Variants in SNTG1 observed in about 807,000 individuals in gnomAD.
SNTG1 encodes gamma-1-syntrophin.
In SNTG1, 39 loss-of-function variants were observed where a neutral mutation model predicts 74.7. That is an observed-to-expected ratio of 0.52 (90% CI 0.40 to 0.68). SNTG1 has a LOEUF of 0.68. Among genes scored for constraint, SNTG1 ranks in the 30% least tolerant of loss-of-function variants. The pLI is 0.00. For synonymous variants in SNTG1, 254 were observed against 217.1 expected (o/e 1.17, Z -1.49); for missense variants, 685 against 609.5 (o/e 1.12, Z -1.30).
chr8:50,507,874 C>A (rs1021498242), intron 9 of SNTG1, among the ~76,000 whole-genome samples: 1 of 151,204 alleles, frequency 6.6e-6, no homozygotes, highest in Non-Finnish European at 1.5e-5. Flanking sequence ...GTGATGTTCC[C>A]CTTCCTGTGT....
intron 12 of SNTG1, among the ~76,000 whole-genome samples, chr8:50,570,085 G>C (rs2094538172): frequency 6.6e-6 from 1 of 151,690 alleles, no homozygotes; most frequent in African/African-American, 2.4e-5. Flanking sequence ...GTACTCACCG[G>C]AACTTAATTT....
At chr8:50,520,442 G>A (rs1209603248) in intron 9 of SNTG1, among the ~76,000 whole-genome samples, 2 of 152,034 alleles carry the variant, frequency 1.3e-5, no homozygotes, top group South Asian at 2.1e-4. Flanking sequence ...TTGACAAAAG[G>A]GCTCAAATTA....
chr8:50,100,768 C>T (rs1372695033), intron 1 of SNTG1, among the ~76,000 whole-genome samples: 1 of 151,888 alleles, frequency 6.6e-6, no homozygotes, highest in Non-Finnish European at 1.5e-5. Flanking sequence ...TACAATAATA[C>T]TTAACATTCC....
chr8:50,433,560 T>G (rs2093267005), intron 4 of SNTG1, among the ~76,000 whole-genome samples: 1 of 151,562 alleles, frequency 6.6e-6, no homozygotes, highest in Non-Finnish European at 1.5e-5. Context: ...CAGAGAAAAC[T>G]TGGTTTCAAT....
chr8:50,185,426 G>T (rs1440186478), intron 2 of SNTG1, among the ~76,000 whole-genome samples: 1 of 152,162 alleles, frequency 6.6e-6, no homozygotes, highest in East Asian at 1.9e-4. Context: ...ACAGCAGTGA[G>T]TGTGATAATG....
chr8:50,641,690 A>T (rs1043659474), intron 13 of SNTG1, among the ~76,000 whole-genome samples: 1 of 152,200 alleles, frequency 6.6e-6, no homozygotes, highest in Admixed American at 6.5e-5. Flanking sequence ...TCAAATAGTC[A>T]ATTATCGGTC....
At chr8:50,418,990 A>T (rs560889332) in intron 4 of SNTG1, among the ~76,000 whole-genome samples, 6 of 152,264 alleles carry the variant, frequency 3.9e-5, no homozygotes, top group African/African-American at 1.2e-4. Flanking sequence ...GGTAAAAATT[A>T]AAAACTATGA....
chr8:50,425,748 C>G (rs901359043), intron 4 of SNTG1, among the ~76,000 whole-genome samples: 3 of 151,918 alleles, frequency 2.0e-5, no homozygotes, highest in African/African-American at 7.3e-5. Flanking sequence ...AAGCATTAAA[C>G]TGAATTATAT....
intron 1 of SNTG1, among the ~76,000 whole-genome samples, chr8:49,938,640 T>TTTCTTTCTTTCTTTCTTTCTTTCC (rs1808393450): frequency 2.8e-5 from 4 of 144,814 alleles, no homozygotes; most frequent in African/African-American, 1.0e-4. Flanking sequence ...TCTTTCTTTC[T>TTTCTTTCTTTCTTTCTTTCTTTCC]TTCCTTCCTC....
intron 2 of SNTG1, among the ~76,000 whole-genome samples, chr8:50,259,513 A>AAAGAAAGAAAGAAAGAAAG (rs2087059052): frequency 2.0e-4 from 1 of 5,028 alleles, no homozygotes; most frequent in Non-Finnish European, 2.7e-3. Context: ...AAAAAAAAAG[A>AAAGAAAGAAAGAAAGAAAG]AAGAAAGAAA....
At chr8:50,751,392 A>G (rs922785049) in intron 17 of SNTG1, among the ~76,000 whole-genome samples, 6 of 151,974 alleles carry the variant, frequency 3.9e-5, no homozygotes, top group Non-Finnish European at 8.8e-5. Flanking sequence ...TGCCAATTTC[A>G]CCTTTTATAT....
intron 9 of SNTG1, among the ~76,000 whole-genome samples, chr8:50,523,583 T>TGTC (rs922246080): frequency 2.0e-5 from 3 of 152,196 alleles, no homozygotes; most frequent in Non-Finnish European, 4.4e-5. Context: ...TCAGTTGAGC[T>TGTC]GTCAGAACAC....
chr8:50,705,043 T>C (rs1340838719), intron 16 of SNTG1, among the ~76,000 whole-genome samples: 3 of 152,184 alleles, frequency 2.0e-5, no homozygotes, highest in African/African-American at 7.2e-5. Flanking sequence ...GAAAATACTC[T>C]GATTTAATGA....
intron 2 of SNTG1, among the ~76,000 whole-genome samples, chr8:50,298,005 A>C (rs977710727): frequency 5.6e-5 from 8 of 141,658 alleles, no homozygotes; most frequent in South Asian, 2.4e-4. Context: ...AGACAGAAAC[A>C]CATTATGTCA....
chr8:50,360,532 G>A (rs2091928587), intron 2 of SNTG1, among the ~76,000 whole-genome samples: 1 of 152,084 alleles, frequency 6.6e-6, no homozygotes, highest in South Asian at 2.1e-4. Flanking sequence ...TCTGAGAAAT[G>A]TGTCATTAGG....
chr8:50,642,115 A>G (rs2095077267), intron 13 of SNTG1, among the ~76,000 whole-genome samples: 1 of 152,146 alleles, frequency 6.6e-6, no homozygotes, highest in Admixed American at 6.5e-5. Flanking sequence ...CTATCTTTTA[A>G]TGGCCTCCTC....
chr8:50,126,874 T>A (rs1345502308), intron 1 of SNTG1, among the ~76,000 whole-genome samples: 1 of 152,050 alleles, frequency 6.6e-6, no homozygotes, highest in Non-Finnish European at 1.5e-5. Flanking sequence ...AAAGTGGTAG[T>A]GAAGGTGAGT....
Position 50,475,039 on chromosome 8 carries a change from G to A in SNTG1, c.363+24310G>A, listed in dbSNP as rs180771791. On this transcript the variant is annotated intron_variant, in intron 8 of 18. Transcript: ENST00000642720. Reference sequence around the variant, plus strand: ...GGGAATTGAACAATGAGAACACATGGACACAGGAAGGGGAACATCACACAC... The same window carrying A: ...GGGAATTGAACAATGAGAACACATGAACACAGGAAGGGGAACATCACACAC... Among the ~76,000 whole-genome samples, 1,312 of 131,816 alleles carry A rather than the reference G, an allele frequency of 1.0e-2. 26 individuals are homozygous for A. The highest frequency in any genetic ancestry group is 0.035 in the African/African-American group (1,257 of 36,048). 86.5% of individuals were successfully genotyped at this position (131,816 alleles called of 152,430 possible).
chr8:50,290,005 G>A (rs190768281), intron 2 of SNTG1, among the ~76,000 whole-genome samples: 3 of 152,280 alleles, frequency 2.0e-5, no homozygotes, highest in Non-Finnish European at 4.4e-5. Context: ...GAGTATTGCA[G>A]GGGATAGGGG....
Sources: allele counts gnomAD v4.1 joint callset (sites outside exome capture counted in the v4.1 genomes callset), GRCh38; gene constraint gnomAD v4.1.1; transcripts MANE v1.5; gene names NCBI Gene and HGNC (gene_info 2026-07-23, HGNC 2026-07-21).